The following CACNG2 variants were observed in gnomAD, a reference collection of about 807,000 sequenced individuals.
CACNG2 encodes calcium voltage-gated channel auxiliary subunit gamma 2, also known as voltage-dependent calcium channel gamma-2 subunit.
CACNG2 carries 3 observed loss-of-function variants against 25.9 expected under a neutral mutation model. That is an observed-to-expected ratio of 0.12 (90% CI 0.05 to 0.30). The LOEUF is 0.30. CACNG2 is among the 10% of genes least tolerant of loss of function. CACNG2 has a pLI of 1.00. For missense variants in CACNG2, 341 were observed against 432.5 expected (o/e 0.79, Z 1.88); for synonymous variants, 167 against 173.3 (o/e 0.96, Z 0.29).
chr22:36,573,804 C>T (rs1362050894), intron 2 of CACNG2, among the ~76,000 whole-genome samples: 1 of 152,222 alleles, frequency 6.6e-6, no homozygotes, highest in Non-Finnish European at 1.5e-5. Context: ...TCAAAGCATC[C>T]TCTGAGCTTA....
chr22:36,698,277 C>T (rs1380451803), intron 1 of CACNG2, among the ~76,000 whole-genome samples: 1 of 152,106 alleles, frequency 6.6e-6, no homozygotes, highest in Non-Finnish European at 1.5e-5. Flanking sequence ...ATTTCTGCAT[C>T]AATCCATTGA....
At chr22:36,696,926 A>G (rs552019280) in intron 1 of CACNG2, among the ~76,000 whole-genome samples, 2 of 152,340 alleles carry the variant, frequency 1.3e-5, no homozygotes, top group South Asian at 4.1e-4. Flanking sequence ...ACAAGGCTGC[A>G]GTGCAGGAAG....
intron 1 of CACNG2, among the ~76,000 whole-genome samples, chr22:36,618,564 T>C (rs982245613): frequency 2.0e-5 from 3 of 152,252 alleles, no homozygotes; most frequent in African/African-American, 7.2e-5. Flanking sequence ...CTGCTATCTC[T>C]GGTCTTGCCT....
At chr22:36,663,263 A>T (rs1305961833) in intron 1 of CACNG2, among the ~76,000 whole-genome samples, 1 of 152,154 alleles carries the variant, frequency 6.6e-6, no homozygotes, top group African/African-American at 2.4e-5. Flanking sequence ...GAGCGTGATC[A>T]CTTAGGGAGT....
chr22:36,693,461 A>G (rs1025416638), intron 1 of CACNG2, among the ~76,000 whole-genome samples: 2 of 152,146 alleles, frequency 1.3e-5, no homozygotes, highest in African/African-American at 4.8e-5. Context: ...AAGTCTCATC[A>G]GCCCTGACCC....
chr22:36,671,760 T>C (rs1327357880), intron 1 of CACNG2, among the ~76,000 whole-genome samples: 1 of 151,974 alleles, frequency 6.6e-6, no homozygotes, highest in Non-Finnish European at 1.5e-5. Context: ...GCTACAAGAG[T>C]CTGCACGGGG....
chr22:36,687,072 T>C (rs1937210427), intron 1 of CACNG2, among the ~76,000 whole-genome samples: 1 of 152,186 alleles, frequency 6.6e-6, no homozygotes, highest in Non-Finnish European at 1.5e-5. Context: ...CCCTTGTTTT[T>C]TTGTGCCATC....
intron 2 of CACNG2, among the ~76,000 whole-genome samples, chr22:36,567,332 T>G (rs1275361449): frequency 6.6e-6 from 1 of 152,186 alleles, no homozygotes; most frequent in African/African-American, 2.4e-5. Flanking sequence ...ACAAGGACTG[T>G]GGCTTTACAA....
chr22:36,596,857 A>C (rs1935685770), intron 1 of CACNG2, among the ~76,000 whole-genome samples: 1 of 151,940 alleles, frequency 6.6e-6, no homozygotes, highest in Non-Finnish European at 1.5e-5. Flanking sequence ...TTCTGGGCTC[A>C]AGAGATCCTC....
chr22:36,650,602 C>G (rs968245516), intron 1 of CACNG2, among the ~76,000 whole-genome samples: 4 of 152,184 alleles, frequency 2.6e-5, no homozygotes, highest in Admixed American at 1.3e-4. Context: ...GTCTCAAACT[C>G]CTGGGCACAA....
intron 1 of CACNG2, among the ~76,000 whole-genome samples, chr22:36,637,505 T>A (rs759602205): frequency 1.3e-5 from 2 of 152,142 alleles, no homozygotes; most frequent in African/African-American, 4.8e-5. Context: ...GGGGGCAGCT[T>A]GGAAGTCGGG....
At chr22:36,602,499 C>T (rs1167431082) in intron 1 of CACNG2, among the ~76,000 whole-genome samples, 4 of 152,138 alleles carry the variant, frequency 2.6e-5, no homozygotes, top group African/African-American at 9.7e-5. Context: ...GATTCTCTTG[C>T]CTCAGCTAGC....
chr22:36,626,165 G>A (rs1035387090), intron 1 of CACNG2, among the ~76,000 whole-genome samples: 8 of 152,106 alleles, frequency 5.3e-5, no homozygotes, highest in African/African-American at 1.4e-4. Flanking sequence ...GATGATCCAC[G>A]CGCCTGGGCC....
At chr22:36,587,948 G>C (rs1318610132) in intron 1 of CACNG2, among the ~76,000 whole-genome samples, 1 of 152,224 alleles carries the variant, frequency 6.6e-6, no homozygotes, top group African/African-American at 2.4e-5. Flanking sequence ...GAAAGTAGCA[G>C]ATCACTTTCT....
chr22:36,619,844 G>T (rs1936079186), intron 1 of CACNG2, among the ~76,000 whole-genome samples: 2 of 152,228 alleles, frequency 1.3e-5, no homozygotes, highest in Non-Finnish European at 2.9e-5. Flanking sequence ...AGGGTCGATT[G>T]TTGTCACTTG....
intron 2 of CACNG2, among the ~76,000 whole-genome samples, chr22:36,574,587 C>A (rs1320347571): frequency 6.6e-6 from 1 of 152,104 alleles, no homozygotes; most frequent in Non-Finnish European, 1.5e-5. Flanking sequence ...TCGAAACCAG[C>A]CTGGCCAACA....
At chr22:36,698,332 A>G (rs184193268) in intron 1 of CACNG2, among the ~76,000 whole-genome samples, 218 of 152,336 alleles carry the variant, frequency 1.4e-3, no homozygotes, top group Non-Finnish European at 2.6e-3. Context: ...ACCTAAAGAA[A>G]GTCAAATTAT....
At chr22:36,629,606 A>T (rs936559393) in intron 1 of CACNG2, among the ~76,000 whole-genome samples, 1 of 152,058 alleles carries the variant, frequency 6.6e-6, no homozygotes, top group African/African-American at 2.4e-5. Context: ...CTTGAAGGAC[A>T]TGAAGGAGTT....
chr22:36,601,895 T>C (rs1201008004), intron 1 of CACNG2, among the ~76,000 whole-genome samples: 1 of 152,140 alleles, frequency 6.6e-6, no homozygotes, highest in Non-Finnish European at 1.5e-5. Context: ...GGAAACTCCA[T>C]ACTATTTTCC....
Sources: allele counts gnomAD v4.1 joint callset (sites outside exome capture counted in the v4.1 genomes callset), GRCh38; gene constraint gnomAD v4.1.1; transcripts MANE v1.5; gene names NCBI Gene and HGNC (gene_info 2026-07-23, HGNC 2026-07-21).